Variants in ZNRF3 observed in about 807,000 individuals in gnomAD.
ZNRF3 encodes the protein E3 ubiquitin-protein ligase ZNRF3.
ZNRF3 carries 23 observed loss-of-function variants against 72.5 expected under a neutral mutation model. The observed-to-expected ratio is 0.32, with a 90% CI of 0.23 to 0.45. ZNRF3 has a LOEUF of 0.45. ZNRF3 is among the 20% of genes least tolerant of loss of function. ZNRF3 has a pLI of 1.00. For synonymous variants in ZNRF3, 610 were observed against 545.3 expected, an observed-to-expected ratio of 1.12 and a Z score of -1.65; for missense variants, 1,169 against 1,272.1, an observed-to-expected ratio of 0.92 and a Z score of 1.23.
At chr22:28,897,477 C>T (rs924746817) in intron 1 of ZNRF3, among the ~76,000 whole-genome samples, 57 of 152,208 alleles carry the variant, frequency 3.7e-4, no homozygotes, top group Admixed American at 1.2e-3. Context: ...TGCGCCACCA[C>T]GCCCTGCTAA....
Position 29,049,717 on chromosome 22 carries a change from G to A in ZNRF3, c.1536G>A (p.Val512=), listed in dbSNP as rs1423219894. ...SGSGSLLFPT[V]VHVAPPSHLE... is the part of the protein sequence containing the mutation. ...GTGGCAGCCTGCTCTTCCCCACCGTGGTGCACGTGGCCCCGCCCTCCCACC... is the reference window on the plus strand; with the variant it reads ...GTGGCAGCCTGCTCTTCCCCACCGTAGTGCACGTGGCCCCGCCCTCCCACC... Residue 512 remains valine, a synonymous_variant, in exon 8 of 9, where the codon GTG becomes GTA. Coordinates refer to ENST00000544604, the MANE Select transcript of ZNRF3 (RefSeq NM_001206998.2). This position sits in a 1 kb window ranked among gnomAD's most constrained non-coding sequence, Gnocchi z 5.2. The A allele has an allele frequency of 1.2e-6, 2 of 1,601,836 alleles. No homozygotes were observed. Among genetic ancestry groups the A allele is most frequent in the East Asian group, 2.2e-5 (1 of 44,722 alleles).
rs132544 is a variant in ZNRF3, at chr22:28,914,495, CTT to C, written c.300+30448_300+30449del. ...TATTTCATAGACTGTTGACATAGAGCTTTTTTTTTTTTTTTTTTTTAAACTTT... is the reference window on the plus strand; with the variant it reads ...TATTTCATAGACTGTTGACATAGAGCTTTTTTTTTTTTTTTTTTAAACTTT... On this transcript the variant is annotated intron_variant, in intron 1 of 8. Coordinates refer to ENST00000544604, the MANE Select transcript of ZNRF3 (RefSeq NM_001206998.2). 4.7e-3 allele frequency among the ~76,000 whole-genome samples: 597 copies of C among 125,946 alleles called. 3 individuals carry two copies. Among genetic ancestry groups the C allele is most frequent in the East Asian group, 0.012 (51 of 4,178 alleles). 82.6% of individuals were successfully genotyped at this position (125,946 alleles called of 152,430 possible). A position where few individuals can be genotyped will look rare whatever the true frequency, so the allele number is the denominator to read the frequency against.
intron 2 of ZNRF3, among the ~76,000 whole-genome samples, chr22:29,020,149 C>A (rs2123859221): frequency 6.7e-6 from 1 of 149,644 alleles, no homozygotes; most frequent in East Asian, 2.0e-4. Flanking sequence ...ATACCTAATA[C>A]AATGTAAGTA....
intron 1 of ZNRF3, among the ~76,000 whole-genome samples, chr22:28,892,499 A>T (rs1022745453): frequency 4.6e-5 from 7 of 152,190 alleles, no homozygotes; most frequent in Admixed American, 2.0e-4. Flanking sequence ...CTTTGAAGAG[A>T]GGTGCCTTTA....
intron 1 of ZNRF3, among the ~76,000 whole-genome samples, chr22:28,920,755 G>A (rs889152751): frequency 9.2e-5 from 14 of 152,220 alleles, no homozygotes; most frequent in Non-Finnish European, 8.8e-5. Flanking sequence ...TGTTACGGTT[G>A]AAGGTCTTGG....
chr22:29,045,034 G>A, intron 5 of ZNRF3, 144 bp downstream of exon 5: 1 of 645,640 alleles, frequency 1.5e-6, no homozygotes, highest in East Asian at 2.8e-5. Flanking sequence ...CCTGTTCCCA[G>A]TGGCCTAGAA....
chr22:28,931,717 A>G (rs2034711012), intron 1 of ZNRF3, among the ~76,000 whole-genome samples: 1 of 152,184 alleles, frequency 6.6e-6, no homozygotes, highest in Non-Finnish European at 1.5e-5. Flanking sequence ...TACTGGGAAT[A>G]TTGCAGTGGA....
intron 2 of ZNRF3, chr22:29,031,595 T>C: frequency 2.0e-6 from 2 of 985,424 alleles, no homozygotes; most frequent in Non-Finnish European, 2.4e-6. Flanking sequence ...CACTACTAAG[T>C]GAAGAACTCG....
intron 1 of ZNRF3, among the ~76,000 whole-genome samples, chr22:28,895,565 G>A (rs999270571): frequency 6.6e-6 from 1 of 152,158 alleles, no homozygotes; most frequent in Non-Finnish European, 1.5e-5. Context: ...TACTCGGGAG[G>A]CTGAGGCAGG....
chr22:28,966,375 T>C (rs1419737625), intron 1 of ZNRF3, among the ~76,000 whole-genome samples: 1 of 152,216 alleles, frequency 6.6e-6, no homozygotes, highest in African/African-American at 2.4e-5. Flanking sequence ...GTATTTACTG[T>C]ATTTTTTATG....
intron 4 of ZNRF3, 26 bp from the exon 5 acceptor site, chr22:29,044,754 C>G: frequency 6.6e-7 from 1 of 1,524,848 alleles, no homozygotes; most frequent in Non-Finnish European, 9.1e-7. Flanking sequence ...GAGGCTGTGA[C>G]TCACTGTGTC....
intron 1 of ZNRF3, among the ~76,000 whole-genome samples, chr22:28,939,295 A>AC (rs1001299239): frequency 1.2e-4 from 18 of 151,916 alleles, no homozygotes; most frequent in East Asian, 1.9e-4. Context: ...AAAAAAAAAA[A>AC]AAAACAAAAC....
chr22:29,045,576 C>T (rs893805178), intron 5 of ZNRF3, among the ~76,000 whole-genome samples: 7 of 152,168 alleles, frequency 4.6e-5, no homozygotes, highest in African/African-American at 1.7e-4. Context: ...GCAACCTCCA[C>T]CTCCCGGGGT....
intron 1 of ZNRF3, among the ~76,000 whole-genome samples, chr22:28,954,293 C>T (rs1182038397): frequency 2.0e-5 from 3 of 152,164 alleles, no homozygotes; most frequent in African/African-American, 7.2e-5. Context: ...CTCTTCCTGG[C>T]TCACAGAGCT....
intron 2 of ZNRF3, among the ~76,000 whole-genome samples, chr22:29,005,151 C>A (rs1330788010): frequency 1.3e-5 from 2 of 152,206 alleles, no homozygotes; most frequent in African/African-American, 4.8e-5. Context: ...CAAAGGGAAC[C>A]TTTCCCCTCC....
At position 28,906,498 on chromosome 22, in the gene ZNRF3, C is replaced by T. The variant is rs145151705; in HGVS notation, c.300+22432C>T. Among the ~76,000 whole-genome samples, 397 of 152,280 alleles carry T rather than the reference C, an allele frequency of 2.6e-3. 4 individuals are homozygous for T. Among genetic ancestry groups the T allele is most frequent in the African/African-American group, 8.9e-3 (368 of 41,554 alleles). On this transcript the variant is annotated intron_variant, in intron 1 of 8. Transcript: ENST00000544604. Reference sequence around the variant, plus strand: ...GCTACTGACAGCTCTGTGACCTTGGCCAGGTCATCCAACCTCTCTGAACCT... The same window carrying T: ...GCTACTGACAGCTCTGTGACCTTGGTCAGGTCATCCAACCTCTCTGAACCT...
chr22:28,889,696 C>G (rs559477974), intron 1 of ZNRF3, among the ~76,000 whole-genome samples: 15 of 152,358 alleles, frequency 9.8e-5, no homozygotes, highest in Non-Finnish European at 1.6e-4. Context: ...CTCCTGTGCA[C>G]TGCGCAGCAT....
intron 1 of ZNRF3, among the ~76,000 whole-genome samples, chr22:28,942,250 A>G (rs760841303): frequency 6.6e-6 from 1 of 152,252 alleles, no homozygotes; most frequent in Non-Finnish European, 1.5e-5. Context: ...ATGCCGATGC[A>G]GAGAGCCTGG....
chr22:28,949,015 T>C (rs1041697070), intron 1 of ZNRF3, among the ~76,000 whole-genome samples: 14 of 152,226 alleles, frequency 9.2e-5, no homozygotes, highest in African/African-American at 3.1e-4. Flanking sequence ...GTTTCGCTCC[T>C]GTTGCCCAGG....
Sources: allele counts gnomAD v4.1 joint callset (sites outside exome capture counted in the v4.1 genomes callset), GRCh38; gene constraint gnomAD v4.1.1; non-coding constraint Gnocchi (gnomAD v3.1); transcripts MANE v1.5; gene names NCBI Gene and HGNC (gene_info 2026-07-23, HGNC 2026-07-21).